KIF6: variants seen among roughly 807,000 people sequenced by gnomAD.
KIF6 encodes kinesin-like protein KIF6.
A neutral mutation model predicts 112.7 loss-of-function variants in KIF6; 106 were observed. The ratio of observed to expected loss-of-function variants is 0.94; its 90% CI spans 0.80 to 1.11. The LOEUF is 1.11. Among genes scored for constraint, KIF6 ranks in the 50% least tolerant of loss-of-function variants. The probability of loss-of-function intolerance (pLI) is 0.00; values close to 1 mark genes in which losing one functional copy is unlikely to be tolerated. For missense variants in KIF6, 929 were observed against 964.0 expected, an observed-to-expected ratio of 0.96 and a Z score of 0.48; for synonymous variants, 339 against 339.9, an observed-to-expected ratio of 1.00 and a Z score of 0.03.
chr6:39,435,287 G>A (rs541805501), intron 13 of KIF6, among the ~76,000 whole-genome samples: 22 of 152,024 alleles, frequency 1.4e-4, no homozygotes, highest in Non-Finnish European at 3.1e-4. Flanking sequence ...AACCATATAT[G>A]TTTTTTACTA....
At chr6:39,539,195 TACCCGAAAACTTA>T (rs1320800467) in intron 13 of KIF6, among the ~76,000 whole-genome samples, 3 of 151,090 alleles carry the variant, frequency 2.0e-5, no homozygotes, top group African/African-American at 7.3e-5. Context: ...TGTGCACATG[TACCCGAAAACTTA>T]AAGTATAATA....
intron 13 of KIF6, among the ~76,000 whole-genome samples, chr6:39,537,993 C>G (rs1197483593): frequency 6.6e-6 from 1 of 152,174 alleles, no homozygotes; most frequent in African/African-American, 2.4e-5. Context: ...ACAAATGGTG[C>G]TGGGAAAACT....
At chr6:39,533,179 C>T (rs1003531371) in intron 13 of KIF6, among the ~76,000 whole-genome samples, 32 of 152,228 alleles carry the variant, frequency 2.1e-4, no homozygotes, top group South Asian at 8.3e-4. Context: ...GGGTGTAGTG[C>T]ACCGTGCGTG....
chr6:39,476,404 ACAAT>A (rs1774429084), intron 13 of KIF6, among the ~76,000 whole-genome samples: 1 of 152,000 alleles, frequency 6.6e-6, no homozygotes, highest in African/African-American at 2.4e-5. Context: ...AAACTAACAG[ACAAT>A]CAAGCATGCT....
At chr6:39,485,785 A>G (rs558710139) in intron 13 of KIF6, among the ~76,000 whole-genome samples, 7 of 152,208 alleles carry the variant, frequency 4.6e-5, no homozygotes, top group Non-Finnish European at 1.0e-4. Flanking sequence ...ATGTGCCAAC[A>G]CAGGAAGGAA....
intron 3 of KIF6, among the ~76,000 whole-genome samples, chr6:39,692,215 C>T (rs1006801796): frequency 2.0e-5 from 3 of 152,114 alleles, no homozygotes; most frequent in South Asian, 2.1e-4. Flanking sequence ...ACAGAAAAAA[C>T]GTAAATCATC....
At chr6:39,625,036 C>T (rs1030746552) in intron 5 of KIF6, among the ~76,000 whole-genome samples, 3 of 131,616 alleles carry the variant, frequency 2.3e-5, no homozygotes, top group Admixed American at 1.7e-4. Flanking sequence ...ATAAGAAGAG[C>T]TCTCTCTCTC....
At chr6:39,367,621 C>A (rs564562736) in intron 16 of KIF6, among the ~76,000 whole-genome samples, 111 of 152,180 alleles carry the variant, frequency 7.3e-4, no homozygotes, top group African/African-American at 2.6e-3. Flanking sequence ...CTGACCTTAT[C>A]TCTGAAGTCA....
intron 16 of KIF6, among the ~76,000 whole-genome samples, chr6:39,366,970 C>T (rs1374191449): frequency 6.6e-6 from 1 of 151,834 alleles, no homozygotes; most frequent in Non-Finnish European, 1.5e-5. Flanking sequence ...GCCAGGAAGC[C>T]GGGAGTCTGT....
chr6:39,606,135 C>T (rs1266806911), intron 6 of KIF6, among the ~76,000 whole-genome samples: 1 of 151,634 alleles, frequency 6.6e-6, no homozygotes, highest in African/African-American at 2.4e-5. Context: ...CCTCCTCCTC[C>T]TTCTCCTATA....
chr6:39,567,087 T>C (rs1335657046), intron 10 of KIF6, among the ~76,000 whole-genome samples: 2 of 152,234 alleles, frequency 1.3e-5, no homozygotes, highest in Non-Finnish European at 2.9e-5. Flanking sequence ...GCTTCTTTGT[T>C]TTCCAGTAGA....
chr6:39,520,538 C>T (rs1324202515), intron 13 of KIF6, among the ~76,000 whole-genome samples: 1 of 152,200 alleles, frequency 6.6e-6, no homozygotes, highest in African/African-American at 2.4e-5. Context: ...AAGAACTCAG[C>T]AGATTCACCG....
intron 3 of KIF6, among the ~76,000 whole-genome samples, chr6:39,665,780 C>T (rs576119195): frequency 2.0e-5 from 3 of 151,864 alleles, no homozygotes; most frequent in Non-Finnish European, 4.4e-5. Flanking sequence ...TTCTATGTGA[C>T]GCTGATCTTC....
intron 3 of KIF6, among the ~76,000 whole-genome samples, chr6:39,669,632 T>C (rs1446580598): frequency 6.6e-6 from 1 of 152,232 alleles, no homozygotes; most frequent in Non-Finnish European, 1.5e-5. Flanking sequence ...GTCTGACTTC[T>C]GTCACAAAGG....
intron 13 of KIF6, among the ~76,000 whole-genome samples, chr6:39,474,732 T>C (rs144286638): frequency 1.3e-5 from 2 of 152,366 alleles, no homozygotes; most frequent in East Asian, 3.9e-4. Context: ...GTGAGAACTG[T>C]GTGTGGTAAC....
chr6:39,399,555 G>A (rs1768532561), intron 15 of KIF6, among the ~76,000 whole-genome samples: 1 of 152,238 alleles, frequency 6.6e-6, no homozygotes, highest in Non-Finnish European at 1.5e-5. Context: ...TTGTGTCATT[G>A]AAGACTGAAT....
chr6:39,499,908 A>G (rs1408389436), intron 13 of KIF6, among the ~76,000 whole-genome samples: 1 of 152,240 alleles, frequency 6.6e-6, no homozygotes, highest in Non-Finnish European at 1.5e-5. Flanking sequence ...GGATAAAGTA[A>G]CTGCTCAACA....
At chr6:39,667,681 T>G (rs1786558262) in intron 3 of KIF6, among the ~76,000 whole-genome samples, 1 of 152,200 alleles carries the variant, frequency 6.6e-6, no homozygotes, top group South Asian at 2.1e-4. Flanking sequence ...AACAAGGTAA[T>G]AGTACTGCTG....
At chr6:39,390,897 T>C (rs1024384581) in intron 15 of KIF6, among the ~76,000 whole-genome samples, 1 of 152,190 alleles carries the variant, frequency 6.6e-6, no homozygotes, top group Admixed American at 6.5e-5. Flanking sequence ...CTAAAGGCTG[T>C]GTGTAAGGCT....
Sources: gnomAD v4.1 joint callset for allele counts (sites outside exome capture counted in the v4.1 genomes callset) on GRCh38, gnomAD v4.1.1 for gene constraint, MANE v1.5 for transcripts, NCBI Gene and HGNC (gene_info 2026-07-23, HGNC 2026-07-21) for gene names.